DMD: variants seen among roughly 807,000 people sequenced by gnomAD.
DMD encodes dystrophin.
In DMD, 63 loss-of-function variants were observed where a neutral mutation model predicts 330.1. The ratio of observed to expected loss-of-function variants is 0.19; its 90% CI spans 0.16 to 0.24. The LOEUF (loss-of-function observed/expected upper bound fraction) is 0.24. DMD is among the 10% of genes least tolerant of loss of function. The pLI is 1.00. For synonymous variants in DMD, 1,223 were observed against 959.8 expected (o/e 1.27, Z -5.07); for missense variants, 3,344 against 2,684.1 (o/e 1.25, Z -5.43).
intron 73 of DMD, among the ~76,000 whole-genome samples, chrX:31,171,834 T>A (rs963935793): frequency 8.9e-6 from 1 of 111,772 alleles, no homozygotes; most frequent in Non-Finnish European, 1.9e-5. Flanking sequence ...CTTCATAAGA[T>A]TGCCTCACTT....
chrX:32,964,910 G>A (rs1027060235), intron 2 of DMD, among the ~76,000 whole-genome samples: 1 of 111,705 alleles, frequency 9.0e-6, no homozygotes, highest in Non-Finnish European at 1.9e-5. Context: ...CAATCATCTT[G>A]AGTAAAAAAA....
In DMD at chrX:32,211,138, T is replaced by C. The variant is rs776454458; in HGVS notation, c.6438+5778A>G. Among the ~76,000 whole-genome samples, 13 of 112,152 alleles carry C rather than the reference T, an allele frequency of 1.2e-4. No homozygotes were observed. In the South Asian group the frequency reaches 3.7e-3, roughly 32 times the overall value. On this transcript the variant is annotated intron_variant, in intron 44 of 78. Transcript: ENST00000357033. ...CTCCAAAGCACCAGTGTGCTCTTTC[T>C]TTCTCCCTTTTGTTCCTCATCTGAG... is the stretch of plus-strand genomic sequence containing the variant.
chrX:32,577,469 G>A (rs752588049), intron 13 of DMD, among the ~76,000 whole-genome samples: 8 of 112,423 alleles, frequency 7.1e-5, no homozygotes, highest in East Asian at 2.8e-4. Context: ...ATACCAACCC[G>A]TTAAAGAATT....
intron 76 of DMD, among the ~76,000 whole-genome samples, chrX:31,137,693 C>T (rs959543509): frequency 9.1e-6 from 1 of 109,788 alleles, no homozygotes; most frequent in Non-Finnish European, 1.9e-5. Flanking sequence ...CTGTGAAACT[C>T]GCATTCATAA....
chrX:32,244,288 A>T (rs1482714128), intron 43 of DMD, among the ~76,000 whole-genome samples: 2 of 103,184 alleles, frequency 1.9e-5, no homozygotes, highest in African/African-American at 3.5e-5. Flanking sequence ...AAGGACATGA[A>T]CTCATCATTT....
chrX:31,310,716 A>ATTTT (rs1230035132), intron 62 of DMD, among the ~76,000 whole-genome samples: 2 of 84,324 alleles, frequency 2.4e-5, no homozygotes, highest in African/African-American at 4.5e-5. Flanking sequence ...CATGCCAAGG[A>ATTTT]TTTTTTTTTT....
chrX:32,552,200 C>A (rs887518610), intron 16 of DMD, among the ~76,000 whole-genome samples: 1 of 111,669 alleles, frequency 9.0e-6, no homozygotes, highest in African/African-American at 3.3e-5. Context: ...AAGCTGGAAC[C>A]ATCCCATTGC....
intron 43 of DMD, among the ~76,000 whole-genome samples, chrX:32,224,470 A>C (rs968920280): frequency 8.9e-6 from 1 of 111,742 alleles, no homozygotes; most frequent in Non-Finnish European, 1.9e-5. Flanking sequence ...ACTGTACAAG[A>C]TAATGCATGA....
rs183343100 is a variant in DMD, at chrX:32,660,753, A to G, written c.961-15601T>C. On this transcript the variant is annotated intron_variant, in intron 9 of 78. Transcript: ENST00000357033. ...GCCAACCTGAAAATGTTCAGCATTT[A>G]TGTAACACTTGACCTTTTCAAAAAT... Among the ~76,000 whole-genome samples the G allele has an allele frequency of 2.8e-4, 31 of 111,768 alleles. No individual in the cohort carries two copies. The East Asian group carries it at 4.5e-3, about 16-fold the overall frequency.
chrX:32,980,321 G>A (rs1438459022), intron 2 of DMD, among the ~76,000 whole-genome samples: 2 of 93,748 alleles, frequency 2.1e-5, no homozygotes, highest in East Asian at 3.4e-4. Flanking sequence ...AACCGAGATC[G>A]CGCCACTGCA....
At chrX:32,280,889 T>C (rs2097418387) in intron 43 of DMD, among the ~76,000 whole-genome samples, 1 of 112,608 alleles carries the variant, frequency 8.9e-6, no homozygotes, top group Non-Finnish European at 1.9e-5. Flanking sequence ...TAGCAAATTC[T>C]TATCAGAAAC....
intron 62 of DMD, among the ~76,000 whole-genome samples, chrX:31,277,467 A>C (rs2052231280): frequency 8.9e-6 from 1 of 112,306 alleles, no homozygotes; most frequent in African/African-American, 3.2e-5. Flanking sequence ...ATTATTGATA[A>C]GGAGGAAAGA....
chrX:32,505,738 C>T, intron 18 of DMD, among the ~76,000 whole-genome samples: 1 of 111,961 alleles, frequency 8.9e-6, no homozygotes, highest in Non-Finnish European at 1.9e-5. Context: ...TTTGCCAAGA[C>T]TTGGAAACAA....
chrX:31,179,571 A>C (rs2040938761), intron 69 of DMD, among the ~76,000 whole-genome samples: 1 of 112,286 alleles, frequency 8.9e-6, no homozygotes, highest in Non-Finnish European at 1.9e-5. Flanking sequence ...AGAAACACGA[A>C]GGGTGGCTCT....
intron 1 of DMD, among the ~76,000 whole-genome samples, chrX:33,336,406 G>A (rs187916792): frequency 1.2e-3 from 136 of 110,205 alleles, no homozygotes; most frequent in African/African-American, 3.2e-3. Context: ...TTTCTTAACC[G>A]ATAGTGTCTT....
chrX:31,940,532 C>T (rs967982104), intron 45 of DMD, among the ~76,000 whole-genome samples: 49 of 111,545 alleles, frequency 4.4e-4, no homozygotes, highest in African/African-American at 1.5e-3. Context: ...TTTTGAAATC[C>T]GTATGTTAAA....
chrX:31,125,440 A>G (rs893510425), intron 78 of DMD, among the ~76,000 whole-genome samples: 2 of 110,131 alleles, frequency 1.8e-5, no homozygotes, highest in African/African-American at 6.6e-5. Context: ...TTTCATTACG[A>G]CTCCTGTGTT....
intron 45 of DMD, among the ~76,000 whole-genome samples, chrX:31,952,232 A>C (rs1283319584): frequency 9.0e-6 from 1 of 111,063 alleles, no homozygotes; most frequent in Non-Finnish European, 1.9e-5. Context: ...GGGTTTGTTG[A>C]GCTTAACCGT....
chrX:31,584,422 G>A (rs960691934), intron 55 of DMD, among the ~76,000 whole-genome samples: 1 of 111,245 alleles, frequency 9.0e-6, no homozygotes, highest in Non-Finnish European at 1.9e-5. Context: ...CAAAGATCTA[G>A]AACCAGAAAT....
Sources: gnomAD v4.1 joint callset for allele counts (sites outside exome capture counted in the v4.1 genomes callset) on GRCh38, gnomAD v4.1.1 for gene constraint, MANE v1.5 for transcripts, NCBI Gene and HGNC (gene_info 2026-07-23, HGNC 2026-07-21) for gene names.